ROCK2: variants seen among roughly 807,000 people sequenced by gnomAD.
ROCK2 encodes the protein Rho associated coiled-coil containing protein kinase 2, also known as rho-associated protein kinase 2.
A neutral mutation model predicts 195.1 loss-of-function variants in ROCK2; 61 were observed. The ratio of observed to expected loss-of-function variants is 0.31; its 90% CI spans 0.25 to 0.39. The LOEUF (loss-of-function observed/expected upper bound fraction) is 0.39. ROCK2 is among the 10% of genes least tolerant of loss of function. The pLI, the probability that ROCK2 is intolerant of heterozygous loss-of-function variation, is 1.00. For missense variants in ROCK2, 1,109 were observed against 1,637.4 expected (o/e 0.68, Z 5.57); for synonymous variants, 504 against 545.5 (o/e 0.92, Z 1.06).
intron 3 of ROCK2, among the ~76,000 whole-genome samples, chr2:11,257,286 C>G (rs951687805): frequency 6.6e-6 from 1 of 151,268 alleles, no homozygotes; most frequent in Non-Finnish European, 1.5e-5. Context: ...CCTGCTGGCC[C>G]TGTGGGGCTT....
intron 1 of ROCK2, among the ~76,000 whole-genome samples, chr2:11,298,924 A>G (rs1401557690): frequency 6.6e-6 from 1 of 152,178 alleles, no homozygotes; most frequent in African/African-American, 2.4e-5. Flanking sequence ...TATTATAAAT[A>G]TGTTTTAAAA....
At chr2:11,259,614 G>C (rs1322141478) in intron 3 of ROCK2, among the ~76,000 whole-genome samples, 1 of 150,300 alleles carries the variant, frequency 6.7e-6, no homozygotes, top group Non-Finnish European at 1.5e-5. Context: ...ATAAGTTTAT[G>C]TAGCTAACGG....
chr2:11,186,876 G>A (rs988047101), intron 32 of ROCK2, among the ~76,000 whole-genome samples: 1 of 152,174 alleles, frequency 6.6e-6, no homozygotes, highest in South Asian at 2.1e-4. Context: ...ATGTCCTCAG[G>A]CAGAATTCTC....
At chr2:11,264,335 G>C (rs1363505758) in intron 3 of ROCK2, among the ~76,000 whole-genome samples, 1 of 152,144 alleles carries the variant, frequency 6.6e-6, no homozygotes, top group Non-Finnish European at 1.5e-5. Flanking sequence ...GGATGGACTG[G>C]AGAAATATTA....
At chr2:11,223,593 T>A (rs940947544) in intron 7 of ROCK2, among the ~76,000 whole-genome samples, 7 of 152,160 alleles carry the variant, frequency 4.6e-5, no homozygotes, top group African/African-American at 1.7e-4. Flanking sequence ...TATGGATGAG[T>A]AAAATTATTT....
In ROCK2 at chr2:11,309,722, G is replaced by A. The variant is rs78197827; in HGVS notation, c.142-21986C>T. 2.2e-3 allele frequency among the ~76,000 whole-genome samples: 342 copies of A among 152,252 alleles called. 2 individuals are homozygous for A. In the East Asian group the frequency reaches 0.041, roughly 18 times the overall value. ...CAGCTGGACTTGGTGGCTCATGTCCGTAATCCCAGCACTTTGGGAAGCTAA... is the reference window on the plus strand; with the variant it reads ...CAGCTGGACTTGGTGGCTCATGTCCATAATCCCAGCACTTTGGGAAGCTAA... On this transcript the variant is annotated intron_variant, in intron 1 of 32. Coordinates refer to ENST00000315872, the MANE Select transcript of ROCK2 (RefSeq NM_004850.5).
At chr2:11,224,508 G>A (rs1249078083) in intron 6 of ROCK2, 48 bp from the exon 7 acceptor site, 1 of 1,555,448 alleles carries the variant, frequency 6.4e-7, no homozygotes, top group Admixed American at 1.8e-5. Context: ...GAATGCAAAG[G>A]AAACACTTTT....
In ROCK2 at chr2:11,344,375, GGCGT is replaced by G; in HGVS notation, c.-243_-240del. ...CTGCCGGGAGCGGCGGGGAACAGAC[GGCGT>G]CCCCGCCCCTCAGTCAGATTCGCGC... On this transcript the variant is annotated 5_prime_UTR_variant, in exon 1 of 33. Transcript: ENST00000315872. The surrounding 1 kb of genome is among the most constrained non-coding windows in gnomAD (Gnocchi z 5.4). The G allele has an allele frequency of 8.7e-7, 1 of 1,148,590 alleles. No individual in the cohort carries two copies. Among genetic ancestry groups the G allele is most frequent in the Non-Finnish European group, 1.1e-6 (1 of 934,926 alleles). The allele number at this position is 1,148,590 out of a possible 1,614,324, so 71.1% of individuals were successfully genotyped here.
chr2:11,283,567 C>CAAAAAAA (rs1456842952), intron 3 of ROCK2, among the ~76,000 whole-genome samples: 1 of 55,318 alleles, frequency 1.8e-5, no homozygotes, highest in Non-Finnish European at 3.5e-5. Context: ...GACTCCGTCT[C>CAAAAAAA]AAAAAAAAAA....
chr2:11,229,285 A>G (rs1033018174), intron 5 of ROCK2, among the ~76,000 whole-genome samples: 1 of 152,186 alleles, frequency 6.6e-6, no homozygotes, highest in African/African-American at 2.4e-5. Context: ...TGAAAATGAT[A>G]TTTAAAAATA....
rs1368247797 is a variant in ROCK2 at position 11,218,326 on chromosome 2, A to G, written c.1332+129T>C. On this transcript the variant is annotated intron_variant, in intron 11 of 32. Transcript: ENST00000315872. Reference sequence around the variant, plus strand: ...AATAAAAGAGATACTTGGTAGAAGAAAGGTTGGGAACTTCTCTCTTGGGTA... The same window carrying G: ...AATAAAAGAGATACTTGGTAGAAGAGAGGTTGGGAACTTCTCTCTTGGGTA... 3 of 521,714 alleles carry G rather than the reference A, an allele frequency of 5.8e-6. No individual in the cohort carries two copies. The East Asian group carries it at 9.2e-5, about 16-fold the overall frequency. 32.3% of individuals were successfully genotyped at this position (521,714 alleles called of 1,614,324 possible).
At chr2:11,301,808 T>C (rs1041987615) in intron 1 of ROCK2, among the ~76,000 whole-genome samples, 4 of 151,598 alleles carry the variant, frequency 2.6e-5, no homozygotes, top group Non-Finnish European at 4.4e-5. Context: ...TCTTACCTAC[T>C]CTACATCTAA....
intron 32 of ROCK2, among the ~76,000 whole-genome samples, chr2:11,185,421 A>G (rs139391231): frequency 5.9e-4 from 90 of 152,282 alleles, no homozygotes; most frequent in African/African-American, 2.0e-3. Context: ...TATTGCTATC[A>G]TCTTTGTTTT....
At chr2:11,302,903 T>C (rs1038867450) in intron 1 of ROCK2, among the ~76,000 whole-genome samples, 1 of 152,148 alleles carries the variant, frequency 6.6e-6, no homozygotes, top group Non-Finnish European at 1.5e-5. Context: ...TCACATTATA[T>C]ATCTATTGAA....
upstream of ROCK2, among the ~76,000 whole-genome samples, chr2:11,345,346 G>T (rs1461586044): frequency 2.0e-5 from 3 of 152,160 alleles, no homozygotes; most frequent in Non-Finnish European, 2.9e-5. Flanking sequence ...TTCTCCTTTT[G>T]GGGGGCGGAA....
At chr2:11,208,511 T>C in intron 18 of ROCK2, 64 bp from the exon 19 acceptor site, 2 of 963,136 alleles carry the variant, frequency 2.1e-6, no homozygotes, top group Non-Finnish European at 2.9e-6. Flanking sequence ...CATAAATTTG[T>C]AAGTAAAAGC....
At chr2:11,279,895 A>G (rs939640739) in intron 3 of ROCK2, among the ~76,000 whole-genome samples, 1 of 152,240 alleles carries the variant, frequency 6.6e-6, no homozygotes, top group Non-Finnish European at 1.5e-5. Context: ...AAATCCCAAA[A>G]TATGTGGAGA....
In ROCK2 at chr2:11,217,055, T is replaced by G. The variant is rs370909057; in HGVS notation, c.1412+35A>C. 5 of 1,113,368 alleles carry G rather than the reference T, an allele frequency of 4.5e-6. No individual in the cohort carries two copies. In the African/African-American group the frequency reaches 7.9e-5, roughly 18 times the overall value. 69.0% of individuals were successfully genotyped at this position (1,113,368 alleles called of 1,614,324 possible). A position where few individuals can be genotyped will look rare whatever the true frequency, so the allele number is the denominator to read the frequency against. On this transcript the variant is annotated intron_variant, in intron 12 of 32. Coordinates refer to ENST00000315872, the MANE Select transcript of ROCK2 (RefSeq NM_004850.5). Reference sequence around the variant, plus strand: ...TTCAGTAAATGTTTAAACTTAAATTTTATAATGTAATATTTAATTATCTAC... The same window carrying G: ...TTCAGTAAATGTTTAAACTTAAATTGTATAATGTAATATTTAATTATCTAC...
At chr2:11,291,697 T>A (rs1198594423) in intron 1 of ROCK2, among the ~76,000 whole-genome samples, 1 of 152,248 alleles carries the variant, frequency 6.6e-6, no homozygotes, top group Non-Finnish European at 1.5e-5. Flanking sequence ...TTTCAATTGC[T>A]AAATGAGGCA....
Sources: allele counts gnomAD v4.1 joint callset (sites outside exome capture counted in the v4.1 genomes callset), GRCh38; gene constraint gnomAD v4.1.1; non-coding constraint Gnocchi (gnomAD v3.1); transcripts MANE v1.5; gene names NCBI Gene and HGNC (gene_info 2026-07-23, HGNC 2026-07-21).